Variants in SNTB1 observed in about 807,000 individuals in gnomAD.
SNTB1 encodes syntrophin beta 1.
A neutral mutation model predicts 48.9 loss-of-function variants in SNTB1; 36 were observed. The observed-to-expected ratio is 0.74, with a 90% CI of 0.56 to 0.97. SNTB1 has a LOEUF of 0.97. Among genes scored for constraint, SNTB1 ranks in the 50% least tolerant of loss-of-function variants. SNTB1 has a pLI of 0.00. For synonymous variants in SNTB1, 299 were observed against 294.6 expected, an observed-to-expected ratio of 1.01 and a Z score of -0.15; for missense variants, 786 against 703.4, an observed-to-expected ratio of 1.12 and a Z score of -1.33.
intron 6 of SNTB1, chr8:120,541,289 TGCCCTCCTCTG>T (rs1815283859): frequency 6.6e-6 from 1 of 152,368 alleles, no homozygotes; most frequent in African/African-American, 2.4e-5. Context: ...CATGCTTCTG[TGCCCTCCTCTG>T]GCCCTCTCTC....
intron 1 of SNTB1, among the ~76,000 whole-genome samples, chr8:120,772,340 G>A (rs929638537): frequency 6.6e-6 from 1 of 151,722 alleles, no homozygotes; most frequent in African/African-American, 2.4e-5. Flanking sequence ...CTGCCTCCCA[G>A]GTTCAAAGCA....
At chr8:120,786,894 T>G (rs1248371786) in intron 1 of SNTB1, among the ~76,000 whole-genome samples, 1 of 152,152 alleles carries the variant, frequency 6.6e-6, no homozygotes, top group Non-Finnish European at 1.5e-5. Flanking sequence ...CATAGCCATC[T>G]CCCACTCGCC....
At chr8:120,687,606 C>A (rs535567605) in intron 2 of SNTB1, among the ~76,000 whole-genome samples, 11 of 152,190 alleles carry the variant, frequency 7.2e-5, no homozygotes, top group Non-Finnish European at 1.3e-4. Context: ...CCACACTCAC[C>A]AAATCACTTT....
chr8:120,637,372 C>T lies in SNTB1; in HGVS notation c.789-4721G>A, dbSNP rs961181812. The T allele has an allele frequency of 5.7e-5, 13 of 228,204 alleles. 1 individual carries two copies. Among genetic ancestry groups the T allele is most frequent in the Non-Finnish European group, 1.1e-4 (12 of 106,992 alleles). The allele number at this position is 228,204 out of a possible 1,614,324, so 14.1% of individuals were successfully genotyped here. A position where few individuals can be genotyped will look rare whatever the true frequency, so the allele number is the denominator to read the frequency against. On this transcript the variant is annotated intron_variant, in intron 2 of 6. Transcript: ENST00000517992. ...CAGAAAGGAGTTTCAGAACATTCTT[C>T]GCTGTAAGGGCCTTTTCAACTTTTT... is the stretch of plus-strand genomic sequence containing the variant.
At chr8:120,803,542 G>T (rs1005032053) in intron 1 of SNTB1, among the ~76,000 whole-genome samples, 1 of 152,154 alleles carries the variant, frequency 6.6e-6, no homozygotes, top group African/African-American at 2.4e-5. Flanking sequence ...TAGGCCAGTA[G>T]CTACCACAGA....
intron 4 of SNTB1, among the ~76,000 whole-genome samples, chr8:120,560,191 C>T (rs993488081): frequency 6.6e-6 from 1 of 152,188 alleles, no homozygotes; most frequent in Non-Finnish European, 1.5e-5. Context: ...TTCTAACCTC[C>T]TTTCATCTGG....
At chr8:120,673,141 C>CTTA (rs1482951118) in intron 2 of SNTB1, among the ~76,000 whole-genome samples, 1 of 152,150 alleles carries the variant, frequency 6.6e-6, no homozygotes, top group Non-Finnish European at 1.5e-5. Context: ...TTATTGCTAA[C>CTTA]TTCTAAGTGG....
intron 1 of SNTB1, among the ~76,000 whole-genome samples, chr8:120,706,730 T>A (rs899403032): frequency 2.6e-4 from 39 of 152,152 alleles, no homozygotes; most frequent in African/African-American, 8.9e-4. Flanking sequence ...GAAGTGTGTC[T>A]CTCTCTTGCC....
intron 1 of SNTB1, among the ~76,000 whole-genome samples, chr8:120,701,164 C>CAG (rs948824454): frequency 5.9e-5 from 9 of 152,202 alleles, no homozygotes; most frequent in Admixed American, 3.3e-4. Flanking sequence ...AGGAAAGATG[C>CAG]AGAGAGAGAT....
intron 1 of SNTB1, among the ~76,000 whole-genome samples, chr8:120,712,474 A>C (rs1818480405): frequency 6.6e-6 from 1 of 152,022 alleles, no homozygotes; most frequent in Admixed American, 6.6e-5. Flanking sequence ...AATGAGGTAC[A>C]CACCATCCTA....
chr8:120,618,090 C>G (rs1465618406), intron 3 of SNTB1, among the ~76,000 whole-genome samples: 1 of 152,164 alleles, frequency 6.6e-6, no homozygotes, highest in Non-Finnish European at 1.5e-5. Context: ...ATTTCTGCAA[C>G]CCGGAAAGTC....
chr8:120,580,938 G>T (rs1418675482), intron 3 of SNTB1, among the ~76,000 whole-genome samples: 8 of 151,840 alleles, frequency 5.3e-5, no homozygotes, highest in Non-Finnish European at 1.0e-4. Context: ...AAGACGTCTA[G>T]AGCTGGTTGG....
intron 2 of SNTB1, among the ~76,000 whole-genome samples, chr8:120,687,173 A>T (rs1479486486): frequency 1.3e-5 from 2 of 152,238 alleles, no homozygotes; most frequent in Non-Finnish European, 2.9e-5. Flanking sequence ...AGAAAGGCTG[A>T]ACTGGTAAAA....
At chr8:120,773,934 T>C (rs999262020) in intron 1 of SNTB1, among the ~76,000 whole-genome samples, 1 of 152,238 alleles carries the variant, frequency 6.6e-6, no homozygotes, top group African/African-American at 2.4e-5. Flanking sequence ...TAAAATTTGC[T>C]ATAGAAAGGA....
intron 2 of SNTB1, among the ~76,000 whole-genome samples, chr8:120,687,559 T>C (rs1233942558): frequency 6.6e-6 from 1 of 152,210 alleles, no homozygotes; most frequent in Non-Finnish European, 1.5e-5. Context: ...GCCTAAAACA[T>C]ATTTCCTAAG....
intron 2 of SNTB1, among the ~76,000 whole-genome samples, chr8:120,688,691 T>C (rs977833952): frequency 6.6e-6 from 1 of 152,142 alleles, no homozygotes; most frequent in African/African-American, 2.4e-5. Context: ...AAGGCAATTG[T>C]AGGAAGTATA....
chr8:120,613,359 A>AC (rs551665110), intron 3 of SNTB1, among the ~76,000 whole-genome samples: 173 of 151,684 alleles, frequency 1.1e-3, no homozygotes, highest in African/African-American at 4.1e-3. Flanking sequence ...CTCAAAAAAA[A>AC]AAAAGTTGAT....
At chr8:120,658,107 G>C (rs1169321095) in intron 2 of SNTB1, among the ~76,000 whole-genome samples, 1 of 152,086 alleles carries the variant, frequency 6.6e-6, no homozygotes, top group Non-Finnish European at 1.5e-5. Context: ...CCTTAGTGAG[G>C]GTACAGGAGG....
At chr8:120,580,719 A>T (rs1318701479) in intron 3 of SNTB1, among the ~76,000 whole-genome samples, 1 of 152,212 alleles carries the variant, frequency 6.6e-6, no homozygotes, top group Middle Eastern at 3.2e-3. Context: ...TAATAATAAT[A>T]ATTAGCATTG....
Sources: gnomAD v4.1 joint callset for allele counts (sites outside exome capture counted in the v4.1 genomes callset) on GRCh38, gnomAD v4.1.1 for gene constraint, MANE v1.5 for transcripts, NCBI Gene and HGNC (gene_info 2026-07-23, HGNC 2026-07-21) for gene names.